Variants in CCDC92B observed in about 807,000 individuals in gnomAD.
CCDC92B encodes coiled-coil domain-containing 92B.
In CCDC92B, 2 loss-of-function variants were observed where a neutral mutation model predicts 5.6. The observed-to-expected ratio is 0.36, with a 90% CI of 0.15 to 1.12. The LOEUF (loss-of-function observed/expected upper bound fraction) is 1.12. Ranked by LOEUF, CCDC92B falls within the 50% of genes most tolerant of loss-of-function variation. The pLI, the probability that CCDC92B is intolerant of heterozygous loss-of-function variation, is 0.40. For missense variants in CCDC92B, 271 were observed against 262.2 expected (o/e 1.03, Z -0.23); for synonymous variants, 115 against 122.3 (o/e 0.94, Z 0.39).
At chr17:2,745,090 A>AAAAAAAAAAAAAAAT (rs72203225) in intron 1 of CCDC92B, among the ~76,000 whole-genome samples, 1 of 143,000 alleles carries the variant, frequency 7.0e-6, no homozygotes. Flanking sequence ...AAAAAAAAAA[A>AAAAAAAAAAAAAAAT]GATAAAATAA....
intron 1 of CCDC92B, among the ~76,000 whole-genome samples, chr17:2,746,845 T>TA (rs1220819855): frequency 6.6e-6 from 1 of 152,028 alleles, no homozygotes; most frequent in Non-Finnish European, 1.5e-5. Context: ...CTATTTTTTG[T>TA]ATTTTTAGTA....
At chr17:2,741,759 A>AT (rs2070929729) in intron 1 of CCDC92B, among the ~76,000 whole-genome samples, 1 of 150,444 alleles carries the variant, frequency 6.6e-6, no homozygotes. Context: ...CGCCTGGCTA[A>AT]TTTTTTGTAT....
chr17:2,724,493 T>TGGCGCGGGCTGCG lies in CCDC92B; in HGVS notation c.673_685dup (p.Gln229ProfsTer131). On this transcript the variant is annotated frameshift_variant, in exon 4 of 4. Transcript: ENST00000614400. LOFTEE classifies it low-confidence loss of function (END_TRUNC). The surrounding 1 kb of genome is among the most constrained non-coding windows in gnomAD (Gnocchi z 5.0). ...GTCCGGGGGCTCCTGGGGAGGCGGCTGGCGCGGGCTGCGGGCGCTGGGCCG... is the reference window on the plus strand; with the variant it reads ...GTCCGGGGGCTCCTGGGGAGGCGGCTGGCGCGGGCTGCGGGCGCGGGCTGCGGGCGCTGGGCCG... 1 of 980,462 alleles carries TGGCGCGGGCTGCG rather than the reference T, an allele frequency of 1.0e-6. No individual in the cohort carries two copies. Among genetic ancestry groups the TGGCGCGGGCTGCG allele is most frequent in the Non-Finnish European group, 1.2e-6 (1 of 826,872 alleles). The allele number at this position is 980,462 out of a possible 1,614,324, so 60.7% of individuals were successfully genotyped here. A position where few individuals can be genotyped will look rare whatever the true frequency, so the allele number is the denominator to read the frequency against.
intron 3 of CCDC92B, among the ~76,000 whole-genome samples, chr17:2,725,558 T>C (rs2070718965): frequency 6.6e-6 from 1 of 151,642 alleles, no homozygotes; most frequent in Non-Finnish European, 1.5e-5. Context: ...TCAGCTTAAG[T>C]GCAAACCCCT....
chr17:2,729,891 TG>T (rs2070774554), intron 3 of CCDC92B, among the ~76,000 whole-genome samples: 1 of 152,162 alleles, frequency 6.6e-6, no homozygotes, highest in Non-Finnish European at 1.5e-5. Flanking sequence ...CTAATGTGTG[TG>T]TGTTTCTTTT....
At position 2,738,729 on chromosome 17, in the gene CCDC92B, C is replaced by G. The variant is rs560083648; in HGVS notation, c.-23-3561G>C. ...GAGCTGAGATCGCGCCACTGCACTC[C>G]AGCCTGGGTGACAGAGCAAGACTCG... is the stretch of plus-strand genomic sequence containing the variant. On this transcript the variant is annotated intron_variant, in intron 1 of 3. Coordinates refer to ENST00000614400, the MANE Select transcript of CCDC92B (RefSeq NM_001355573.2). 2.7e-5 allele frequency among the ~76,000 whole-genome samples: 4 copies of G among 147,248 alleles called. No homozygotes were observed. The East Asian group carries it at 7.9e-4, about 29-fold the overall frequency.
chr17:2,733,489 C>T (rs1012287181), intron 2 of CCDC92B, among the ~76,000 whole-genome samples: 1 of 151,990 alleles, frequency 6.6e-6, no homozygotes, highest in African/African-American at 2.4e-5. Flanking sequence ...GAACTCCCGA[C>T]CTCAGGTGAT....
chr17:2,734,966 T>G, intron 2 of CCDC92B, 50 bp downstream of exon 2: 1 of 957,714 alleles, frequency 1.0e-6, no homozygotes, highest in East Asian at 1.3e-4. Context: ...GTGGTTGTGA[T>G]GATGACAGTG....
At chr17:2,728,151 C>CT (rs1401563261) in intron 3 of CCDC92B, among the ~76,000 whole-genome samples, 3 of 148,766 alleles carry the variant, frequency 2.0e-5, no homozygotes, top group African/African-American at 7.5e-5. Flanking sequence ...CATGGCGAAA[C>CT]CCCTCTCTAC....
chr17:2,737,086 G>C (rs956399662), intron 1 of CCDC92B, among the ~76,000 whole-genome samples: 1 of 151,776 alleles, frequency 6.6e-6, no homozygotes, highest in Non-Finnish European at 1.5e-5. Context: ...TTCTGGCTCC[G>C]CCCCCTTCCC....
chr17:2,727,994 A>T (rs540280908), intron 3 of CCDC92B, among the ~76,000 whole-genome samples: 1 of 152,006 alleles, frequency 6.6e-6, no homozygotes, highest in African/African-American at 2.4e-5. Flanking sequence ...TGGACAACAG[A>T]GCAAGATCCT....
intron 1 of CCDC92B, among the ~76,000 whole-genome samples, chr17:2,746,447 G>A (rs1237681603): frequency 6.6e-6 from 1 of 152,126 alleles, no homozygotes; most frequent in African/African-American, 2.4e-5. Flanking sequence ...TTTCCCTTTG[G>A]GGAAGTTGGT....
Position 2,739,089 on chromosome 17 carries a change from C to T in CCDC92B, c.-23-3921G>A, listed in dbSNP as rs558667013. 2.6e-4 allele frequency among the ~76,000 whole-genome samples: 39 copies of T among 149,540 alleles called. 2 individuals are homozygous for T. The highest frequency in any genetic ancestry group is 1.0e-3 in the East Asian group (5 of 5,006). ...CTGTCTCAAAAATAAATAAATAGGG[C>T]GGGCGCAATGGCTCACGCCTGTAAT... On this transcript the variant is annotated intron_variant, in intron 1 of 3. Coordinates refer to ENST00000614400, the MANE Select transcript of CCDC92B (RefSeq NM_001355573.2).
chr17:2,733,501 C>T (rs1009223078), intron 2 of CCDC92B, among the ~76,000 whole-genome samples: 8 of 152,066 alleles, frequency 5.3e-5, no homozygotes, highest in East Asian at 1.9e-4. Context: ...TCAGGTGATC[C>T]GCCCGCCTCA....
chr17:2,737,373 C>A (rs1010803930), intron 1 of CCDC92B, among the ~76,000 whole-genome samples: 1 of 151,842 alleles, frequency 6.6e-6, no homozygotes, highest in Non-Finnish European at 1.5e-5. Flanking sequence ...GAGCAGGTCC[C>A]CCTGAGAACT....
chr17:2,743,465 T>C (rs898726875), intron 1 of CCDC92B, among the ~76,000 whole-genome samples: 4 of 152,178 alleles, frequency 2.6e-5, no homozygotes, highest in African/African-American at 9.6e-5. Context: ...AGTCTGATCA[T>C]GTCTCCCCAA....
chr17:2,749,162 G>A (rs2071024902), intron 1 of CCDC92B, among the ~76,000 whole-genome samples: 1 of 152,186 alleles, frequency 6.6e-6, no homozygotes, highest in Admixed American at 6.5e-5. Context: ...AAAGGTGTGC[G>A]TGGCGGGAGG....
chr17:2,731,361 G>A (rs934706832), intron 2 of CCDC92B, among the ~76,000 whole-genome samples: 1 of 152,062 alleles, frequency 6.6e-6, no homozygotes, highest in Admixed American at 6.6e-5. Flanking sequence ...AACTCCACCA[G>A]GGCTCAAGAA....
chr17:2,723,890 G>A lies in CCDC92B; in HGVS notation c.*521C>T. 4.2e-6 allele frequency: 4 copies of A among 963,850 alleles called. No individual in the cohort carries two copies. The highest frequency in any genetic ancestry group is 4.9e-6 in the Non-Finnish European group (4 of 810,424). 59.7% of individuals were successfully genotyped at this position (963,850 alleles called of 1,614,324 possible). ...AAGGACCTATCGGCAGGGTCAGGGT[G>A]GGGGTAGAAGGACCAGCCCCTAGCC... is the stretch of plus-strand genomic sequence containing the variant. On this transcript the variant is annotated 3_prime_UTR_variant, in exon 4 of 4. Transcript: ENST00000614400.
Sources: allele counts gnomAD v4.1 joint callset (sites outside exome capture counted in the v4.1 genomes callset), GRCh38; gene constraint gnomAD v4.1.1; non-coding constraint Gnocchi (gnomAD v3.1); transcripts MANE v1.5; gene names NCBI Gene and HGNC (gene_info 2026-07-23, HGNC 2026-07-21).